The following CCDC150 variants were observed in gnomAD, a reference collection of about 807,000 sequenced individuals.
The protein encoded by CCDC150 is coiled-coil domain containing 150.
CCDC150 carries 151 observed loss-of-function variants against 156.5 expected under a neutral mutation model. The observed-to-expected ratio is 0.97, with a 90% CI of 0.85 to 1.10. CCDC150 has a LOEUF of 1.10. CCDC150 is among the 50% of genes least tolerant of loss of function. The pLI is 0.00. For synonymous variants in CCDC150, 452 were observed against 429.4 expected, an observed-to-expected ratio of 1.05 and a Z score of -0.65; for missense variants, 1,312 against 1,268.1, an observed-to-expected ratio of 1.03 and a Z score of -0.53.
rs762656865 is a variant in CCDC150 at position 196,732,031 on chromosome 2, A to G, written c.3070-2A>G. The G allele has an allele frequency of 4.3e-6, 7 of 1,613,398 alleles. No homozygotes were observed. The highest frequency in any genetic ancestry group is 5.9e-6 in the Non-Finnish European group (7 of 1,179,564). On this transcript the variant is annotated splice_acceptor_variant, in intron 26 of 27. Transcript: ENST00000389175. LOFTEE classifies it high-confidence loss of function. Reference sequence around the variant, plus strand: ...TTTTAATGGTGATATTTATATGTTCAGATAACAGCTAATCTGGAAGAAGCT... The same window carrying G: ...TTTTAATGGTGATATTTATATGTTCGGATAACAGCTAATCTGGAAGAAGCT...
chr2:196,684,523 T>C (rs1270683169), intron 13 of CCDC150, among the ~76,000 whole-genome samples: 2 of 152,152 alleles, frequency 1.3e-5, no homozygotes, highest in East Asian at 1.9e-4. Flanking sequence ...TGTATTTTGC[T>C]ATTATTGGGA....
chr2:196,663,703 T>G (rs914340864), intron 5 of CCDC150, among the ~76,000 whole-genome samples: 60 of 152,246 alleles, frequency 3.9e-4, no homozygotes, highest in African/African-American at 1.3e-3. Context: ...AGCAATCTTG[T>G]AACAGTCATA....
rs753152370 is a variant in CCDC150 at position 196,669,840 on chromosome 2, A to G, written c.900A>G (p.Arg300=). The G allele has an allele frequency of 6.2e-7, 1 of 1,609,830 alleles. No individual in the cohort carries two copies. Among genetic ancestry groups the G allele is most frequent in the Non-Finnish European group, 8.5e-7 (1 of 1,177,168 alleles). Residue 300 remains arginine, a synonymous_variant, in exon 8 of 28, where the codon AGA becomes AGG. Transcript: ENST00000389175. ...TGGAATTTTTGTTTTTAGCTTCTAG[A>G]GATGACCTCATTTCCAAGTTGGTTG... is the stretch of plus-strand genomic sequence containing the variant. The part of the protein sequence containing the change: ...TSQLKSDLTS[R]DDLISKLVEE...
intron 7 of CCDC150, chr2:196,667,317 C>A (rs1419384875): frequency 5.8e-6 from 1 of 173,782 alleles, no homozygotes; most frequent in Non-Finnish European, 1.2e-5. Context: ...TTGTAAGGTA[C>A]CTTTAAGAGA....
intron 15 of CCDC150, among the ~76,000 whole-genome samples, chr2:196,709,591 G>A (rs1575918369): frequency 6.6e-6 from 1 of 152,216 alleles, no homozygotes; most frequent in African/African-American, 2.4e-5. Flanking sequence ...AGGCACTCTG[G>A]TTTTTAGAAT....
intron 14 of CCDC150, among the ~76,000 whole-genome samples, chr2:196,699,155 T>C (rs570803079): frequency 3.3e-5 from 5 of 152,368 alleles, no homozygotes; most frequent in African/African-American, 7.2e-5. Flanking sequence ...GATAGCAGTC[T>C]ACATTTTGCT....
intron 15 of CCDC150, among the ~76,000 whole-genome samples, chr2:196,706,621 C>T (rs984974520): frequency 6.6e-6 from 1 of 152,166 alleles, no homozygotes; most frequent in Non-Finnish European, 1.5e-5. Flanking sequence ...TCAGTTTTTG[C>T]CCATTCAGTA....
At chr2:196,727,951 G>A (rs1469873087) in intron 22 of CCDC150, 2 of 142,486 alleles carry the variant, frequency 1.4e-5, no homozygotes, top group Non-Finnish European at 3.0e-5. Flanking sequence ...GGCGGAGCTT[G>A]CAGTGAGCTG....
Position 196,695,066 on chromosome 2 carries a change from T to C in CCDC150, c.1530T>C (p.Thr510=). 6.2e-7 allele frequency: 1 copy of C among 1,604,540 alleles called. No homozygotes were observed. Among genetic ancestry groups the C allele is most frequent in the Non-Finnish European group, 8.5e-7 (1 of 1,173,758 alleles). The change falls in exon 14 of 28, where the codon ACT becomes ACC. Residue 510 remains threonine, a synonymous_variant. Transcript: ENST00000389175. ...TAAAGGTAGACATAAATACATTAAC[T>C]CATAACCTGCAGACTCTTGAAGAAG... ...AKNKVDINTL[T]HNLQTLEEEN...
intron 17 of CCDC150, among the ~76,000 whole-genome samples, chr2:196,714,502 T>C (rs911454660): frequency 5.3e-5 from 8 of 151,966 alleles, no homozygotes; most frequent in African/African-American, 1.9e-4. Context: ...CCTTTGCTAC[T>C]TGCTGGGGAG....
chr2:196,725,945 G>A, intron 21 of CCDC150, 28 bp from the exon 22 acceptor site: 1 of 1,564,304 alleles, frequency 6.4e-7, no homozygotes, highest in Non-Finnish European at 8.7e-7. Context: ...TTCTAAAGGT[G>A]ACTTATCACC....
At chr2:196,700,683 G>A (rs1212505879) in intron 14 of CCDC150, among the ~76,000 whole-genome samples, 1 of 152,078 alleles carries the variant, frequency 6.6e-6, no homozygotes, top group African/African-American at 2.4e-5. Context: ...TTTCTAAACT[G>A]CTTTTTACCA....
intron 15 of CCDC150, among the ~76,000 whole-genome samples, chr2:196,704,051 A>G (rs1696423167): frequency 6.6e-6 from 1 of 152,228 alleles, no homozygotes; most frequent in Admixed American, 6.5e-5. Flanking sequence ...TTACAAGACA[A>G]TTTAAAGGAA....
In CCDC150 at chr2:196,732,487, T is replaced by A. The variant is rs1431858382; in HGVS notation, c.3231T>A (p.Val1077=). ...VKHDVMSNQS[V]LHRWERKQNL... Reference sequence around the variant, plus strand: ...ATGATGTCATGTCCAACCAATCTGTTCTGCATCGATGGGAGAGAAAACAGA... The same window carrying A: ...ATGATGTCATGTCCAACCAATCTGTACTGCATCGATGGGAGAGAAAACAGA... The change falls in exon 28 of 28, where the codon GTT becomes GTA. Residue 1077 remains valine (V), a synonymous_variant. Coordinates refer to ENST00000389175, the MANE Select transcript of CCDC150 (RefSeq NM_001080539.2). 2 of 1,613,798 alleles carry A rather than the reference T, an allele frequency of 1.2e-6. No homozygotes were observed. The highest frequency in any genetic ancestry group is 3.3e-5 in the Admixed American group (2 of 60,026).
intron 22 of CCDC150, chr2:196,726,586 T>C (rs1253202230): frequency 6.5e-6 from 1 of 154,512 alleles, no homozygotes; most frequent in Admixed American, 6.3e-5. Context: ...GTGTACAACT[T>C]TGAAGGAATT....
intron 10 of CCDC150, 60 bp from the exon 11 acceptor site, chr2:196,676,083 T>C: frequency 6.4e-7 from 1 of 1,555,970 alleles, no homozygotes; most frequent in Non-Finnish European, 8.8e-7. Context: ...TTACTCCAAA[T>C]GACACCCTAT....
At chr2:196,720,056 C>T in intron 19 of CCDC150, 1 of 366,750 alleles carries the variant, frequency 2.7e-6, no homozygotes. Flanking sequence ...TTATTACTAT[C>T]CTGTTTCAAG....
chr2:196,639,800 CTGGTGAGGGG>C (rs1356297066), intron 1 of CCDC150, 22 bp downstream of exon 1: 14 of 1,574,812 alleles, frequency 8.9e-6, no homozygotes, highest in Admixed American at 1.7e-5. Flanking sequence ...GGGCCCCGGG[CTGGTGAGGGG>C]TGGTCGGAGG....
At chr2:196,673,239 A>G (rs761103779) in intron 9 of CCDC150, among the ~76,000 whole-genome samples, 1 of 152,160 alleles carries the variant, frequency 6.6e-6, no homozygotes, top group African/African-American at 2.4e-5. Context: ...CAATAGCCCT[A>G]TGAAATGGAA....
Sources: gnomAD v4.1 joint callset for allele counts (sites outside exome capture counted in the v4.1 genomes callset) on GRCh38, gnomAD v4.1.1 for gene constraint, MANE v1.5 for transcripts, NCBI Gene and HGNC (gene_info 2026-07-23, HGNC 2026-07-21) for gene names.